The following PMFBP1 variants were observed in gnomAD, a reference collection of about 807,000 sequenced individuals.
PMFBP1 encodes the protein polyamine-modulated factor 1-binding protein 1.
PMFBP1 carries 131 observed loss-of-function variants against 137.8 expected under a neutral mutation model. That is an observed-to-expected ratio of 0.95 (90% confidence interval 0.82 to 1.10). The LOEUF (loss-of-function observed/expected upper bound fraction) is 1.10. PMFBP1 is among the 50% of genes least tolerant of loss of function. The pLI, the probability that PMFBP1 is intolerant of heterozygous loss-of-function variation, is 0.00. For synonymous variants in PMFBP1, 490 were observed against 450.4 expected (o/e 1.09, Z -1.11); for missense variants, 1,199 against 1,175.4 (o/e 1.02, Z -0.29).
chr16:72,152,629 G>A (rs1431260884), intron 4 of PMFBP1, among the ~76,000 whole-genome samples: 3 of 152,036 alleles, frequency 2.0e-5, no homozygotes, highest in Non-Finnish European at 4.4e-5. Flanking sequence ...CGGATCACCC[G>A]AGGTCAGGAG....
upstream of PMFBP1, among the ~76,000 whole-genome samples, chr16:72,180,447 G>A (rs2043272187): frequency 6.6e-6 from 1 of 152,140 alleles, no homozygotes; most frequent in African/African-American, 2.4e-5. Flanking sequence ...GGCAGAAGCC[G>A]TGTTGAGTTT....
intron 3 of PMFBP1, among the ~76,000 whole-genome samples, chr16:72,159,762 C>A (rs1323991815): frequency 1.3e-5 from 2 of 150,896 alleles, no homozygotes; most frequent in Non-Finnish European, 2.9e-5. Flanking sequence ...AGCAGTATCA[C>A]AAAGGCACCA....
chr16:72,124,995 A>C, intron 16 of PMFBP1, 61 bp from the exon 17 acceptor site: 1 of 1,584,718 alleles, frequency 6.3e-7, no homozygotes, highest in Non-Finnish European at 8.6e-7. Context: ...CGCAGGACCC[A>C]CAAGGCCAGA....
chr16:72,212,398 T>C, the PMFBP1 span, among the ~76,000 whole-genome samples: 1 of 151,964 alleles, frequency 6.6e-6, no homozygotes, highest in East Asian at 1.9e-4. Flanking sequence ...CAATGAATGG[T>C]ACATGTGCCA....
the PMFBP1 span, among the ~76,000 whole-genome samples, chr16:72,206,713 C>T: frequency 2.0e-5 from 3 of 152,060 alleles, no homozygotes; most frequent in Non-Finnish European, 4.4e-5. Flanking sequence ...TGTTAATCAT[C>T]GCTTCCCGGC....
chr16:72,230,578 C>T, the PMFBP1 span, among the ~76,000 whole-genome samples: 1 of 152,146 alleles, frequency 6.6e-6, no homozygotes, highest in Admixed American at 6.6e-5. Flanking sequence ...TATTTCTGTC[C>T]AAATTTGCTC....
At chr16:72,119,658 G>C (rs931713240) in intron 20 of PMFBP1, 193 bp downstream of exon 20, 5 of 1,447,198 alleles carry the variant, frequency 3.5e-6, no homozygotes, top group Non-Finnish European at 1.8e-6. Flanking sequence ...TGCTTCAGAT[G>C]TTCTTAGATC....
the PMFBP1 span, among the ~76,000 whole-genome samples, chr16:72,225,526 T>TAG: frequency 6.6e-6 from 1 of 151,794 alleles, no homozygotes; most frequent in East Asian, 1.9e-4. Context: ...CCCATGTCTT[T>TAG]ACACGGGGTC....
the PMFBP1 span, among the ~76,000 whole-genome samples, chr16:72,197,079 T>C: frequency 6.6e-6 from 1 of 152,184 alleles, no homozygotes; most frequent in African/African-American, 2.4e-5. Context: ...TGCCCCTTTG[T>C]ACAAAGTGGG....
chr16:72,147,683 AAAC>A (rs2042831239), intron 5 of PMFBP1, among the ~76,000 whole-genome samples: 1 of 152,188 alleles, frequency 6.6e-6, no homozygotes, highest in South Asian at 2.1e-4. Context: ...TACAAGAAAA[AAAC>A]AACCCCATCA....
chr16:72,245,949 C>T, the PMFBP1 span, among the ~76,000 whole-genome samples: 4 of 152,116 alleles, frequency 2.6e-5, no homozygotes, highest in Admixed American at 6.6e-5. Context: ...AACTGCTTCT[C>T]GGGACAAAAA....
the PMFBP1 span, among the ~76,000 whole-genome samples, chr16:72,210,820 G>A: frequency 6.6e-6 from 1 of 152,102 alleles, no homozygotes; most frequent in African/African-American, 2.4e-5. Context: ...TACAGTAAGA[G>A]TGATGCTAGC....
intron 12 of PMFBP1, 76 bp downstream of exon 12, chr16:72,130,137 G>A (rs1306820546): frequency 1.3e-6 from 2 of 1,573,626 alleles, no homozygotes; most frequent in Non-Finnish European, 1.7e-6. Context: ...TTACAGGTGT[G>A]AGCCACTGCT....
At chr16:72,133,106 C>T in intron 9 of PMFBP1, 115 bp from the exon 10 acceptor site, 1 of 1,247,134 alleles carries the variant, frequency 8.0e-7, no homozygotes, top group South Asian at 1.4e-5. Flanking sequence ...CTGGACATTG[C>T]ACGAACCTCC....
intron 18 of PMFBP1, among the ~76,000 whole-genome samples, 178 bp from the exon 19 acceptor site, chr16:72,123,166 T>C (rs990309581): frequency 1.3e-5 from 2 of 152,138 alleles, no homozygotes; most frequent in African/African-American, 4.8e-5. Context: ...TTCAGAGGAC[T>C]CTCTGAACTC....
the PMFBP1 span, among the ~76,000 whole-genome samples, chr16:72,211,301 C>A: frequency 6.6e-6 from 1 of 152,192 alleles, no homozygotes; most frequent in African/African-American, 2.4e-5. Context: ...GTGCACAGAA[C>A]ACCAGAGGCA....
upstream of PMFBP1, among the ~76,000 whole-genome samples, chr16:72,175,386 A>G (rs1567646462): frequency 6.6e-6 from 1 of 152,238 alleles, no homozygotes; most frequent in Non-Finnish European, 1.5e-5. Flanking sequence ...GATGTGAAAC[A>G]CATCAGTTAG....
chr16:72,164,786 T>C lies in PMFBP1; in HGVS notation c.143A>G (p.Glu48Gly), dbSNP rs748045276. 3 of 1,597,184 alleles carry C rather than the reference T, an allele frequency of 1.9e-6. No homozygotes were observed. The highest frequency in any genetic ancestry group is 2.6e-6 in the Non-Finnish European group (3 of 1,166,546). The change falls in exon 3 of 21, where the codon GAG becomes GGG. Residue 48 changes from glutamate (E) to glycine (G), a missense_variant. Coordinates refer to ENST00000237353, the MANE Select transcript of PMFBP1 (RefSeq NM_031293.3). ...TACGTGGCTGCTGTTCATTGCCTCC[T>C]CCATGCAGAGCTGATTGTCCTGCAA... ...KTLQDNQLCM[E>G]EAMNSSHDKK...
chr16:72,193,037 T>C, the PMFBP1 span, among the ~76,000 whole-genome samples: 4 of 152,048 alleles, frequency 2.6e-5, no homozygotes, highest in African/African-American at 7.2e-5. Context: ...ATAACAATTA[T>C]ATAATAACAA....
Sources: allele counts gnomAD v4.1 joint callset (sites outside exome capture counted in the v4.1 genomes callset), GRCh38; gene constraint gnomAD v4.1.1; transcripts MANE v1.5; gene names NCBI Gene and HGNC (gene_info 2026-07-23, HGNC 2026-07-21).